THSD7B: variants seen among roughly 807,000 people sequenced by gnomAD.
The protein encoded by THSD7B is thrombospondin type 1 domain containing 7B.
THSD7B carries 138 observed loss-of-function variants against 213.6 expected under a neutral mutation model. That is an observed-to-expected ratio of 0.65 (90% CI 0.56 to 0.74). The LOEUF is 0.74. THSD7B is among the 30% of genes least tolerant of loss of function. THSD7B has a pLI of 0.00. For missense variants in THSD7B, 1,931 were observed against 1,991.5 expected (o/e 0.97, Z 0.58); for synonymous variants, 742 against 687.0 (o/e 1.08, Z -1.25).
At chr2:136,858,337 A>G (rs907845908) in intron 1 of THSD7B, among the ~76,000 whole-genome samples, 1 of 152,168 alleles carries the variant, frequency 6.6e-6, no homozygotes, top group African/African-American at 2.4e-5. Flanking sequence ...CTATAGTTCT[A>G]TCCAATGTGG....
At chr2:137,114,129 C>G (rs1029604458) in intron 4 of THSD7B, among the ~76,000 whole-genome samples, 2 of 152,094 alleles carry the variant, frequency 1.3e-5, no homozygotes, top group African/African-American at 2.4e-5. Flanking sequence ...ACTTTTATGG[C>G]TGGTTTTTCC....
At chr2:137,075,294 C>CT (rs768784059) in intron 3 of THSD7B, among the ~76,000 whole-genome samples, 29 of 152,100 alleles carry the variant, frequency 1.9e-4, no homozygotes, top group Non-Finnish European at 4.0e-4. Flanking sequence ...TCTTTTTATT[C>CT]TTTTTTCTCT....
chr2:137,278,658 G>T (rs1172241313), intron 12 of THSD7B, among the ~76,000 whole-genome samples: 1 of 152,052 alleles, frequency 6.6e-6, no homozygotes, highest in Non-Finnish European at 1.5e-5. Flanking sequence ...CTGTTCACAG[G>T]CCTCGAGCTG....
At chr2:137,467,148 G>T (rs181798933) in intron 15 of THSD7B, among the ~76,000 whole-genome samples, 14 of 152,154 alleles carry the variant, frequency 9.2e-5, no homozygotes, top group African/African-American at 3.4e-4. Flanking sequence ...CAGACAAGTG[G>T]TTTCCAACCT....
intron 7 of THSD7B, among the ~76,000 whole-genome samples, chr2:137,181,583 G>T (rs773762564): frequency 7.2e-5 from 11 of 152,150 alleles, no homozygotes; most frequent in Non-Finnish European, 1.2e-4. Context: ...TATTTACAGA[G>T]GCTGGGACCA....
intron 1 of THSD7B, among the ~76,000 whole-genome samples, chr2:136,782,189 C>T (rs1410802935): frequency 6.6e-6 from 1 of 152,110 alleles, no homozygotes; most frequent in African/African-American, 2.4e-5. Flanking sequence ...TGAGTTGCGA[C>T]GTGGTAGAAA....
chr2:136,985,899 C>G (rs531509294), intron 2 of THSD7B, among the ~76,000 whole-genome samples: 1 of 152,240 alleles, frequency 6.6e-6, no homozygotes, highest in African/African-American at 2.4e-5. Context: ...CTTGCATCAG[C>G]GTGCCCTGGA....
At chr2:137,356,865 AG>A (rs1206026117) in intron 12 of THSD7B, among the ~76,000 whole-genome samples, 4 of 151,814 alleles carry the variant, frequency 2.6e-5, no homozygotes, top group African/African-American at 9.7e-5. Context: ...TGTATGTAGC[AG>A]TGGATCAGTA....
intron 3 of THSD7B, among the ~76,000 whole-genome samples, chr2:137,070,354 C>G (rs1434431487): frequency 6.6e-6 from 1 of 151,780 alleles, no homozygotes; most frequent in Non-Finnish European, 1.5e-5. Flanking sequence ...CAAATTCCTA[C>G]ACTTGGACAT....
At chr2:137,041,828 G>A (rs1335240171) in intron 2 of THSD7B, among the ~76,000 whole-genome samples, 1 of 152,138 alleles carries the variant, frequency 6.6e-6, no homozygotes, top group Non-Finnish European at 1.5e-5. Context: ...ATTCGCTAAT[G>A]TGTGGCCAAT....
In THSD7B at chr2:137,256,671, G is replaced by A. The variant is rs115805990; in HGVS notation, c.2266+14099G>A. ...TGGAATTTAAATTTTAACCATGAGT[G>A]TGATAAAATCACATTTATGTTTTAG... On this transcript the variant is annotated intron_variant, in intron 10 of 27. Coordinates refer to ENST00000409968, the MANE Select transcript of THSD7B (RefSeq NM_001316349.2). 5.9e-3 allele frequency among the ~76,000 whole-genome samples: 905 copies of A among 152,230 alleles called. 9 individuals are homozygous for A. Among genetic ancestry groups the A allele is most frequent in the African/African-American group, 0.02 (822 of 41,534 alleles).
At chr2:137,341,074 C>T (rs1290088076) in intron 12 of THSD7B, among the ~76,000 whole-genome samples, 10 of 147,984 alleles carry the variant, frequency 6.8e-5, no homozygotes, top group African/African-American at 2.0e-4. Flanking sequence ...TCCCTTTTCT[C>T]GAGGTTCCCT....
At chr2:137,232,417 G>T (rs1482483400) in intron 8 of THSD7B, among the ~76,000 whole-genome samples, 2 of 152,100 alleles carry the variant, frequency 1.3e-5, no homozygotes, top group Non-Finnish European at 2.9e-5. Context: ...CTTGATAGAG[G>T]ATAGGTGTCT....
intron 1 of THSD7B, among the ~76,000 whole-genome samples, chr2:136,830,119 T>TGC (rs200798745): frequency 5.2e-4 from 78 of 151,376 alleles, no homozygotes; most frequent in Admixed American, 1.4e-3. Context: ...TGTATGCCTG[T>TGC]GCGCGCACAC....
At chr2:136,926,265 A>T (rs1469418813) in intron 2 of THSD7B, among the ~76,000 whole-genome samples, 3 of 151,938 alleles carry the variant, frequency 2.0e-5, no homozygotes, top group African/African-American at 7.3e-5. Context: ...TGATTAACTG[A>T]AGTAGTTCTA....
chr2:137,438,096 C>G, intron 14 of THSD7B, among the ~76,000 whole-genome samples: 1 of 152,090 alleles, frequency 6.6e-6, no homozygotes, highest in Admixed American at 6.5e-5. Flanking sequence ...CCTCTTGTTC[C>G]AGACCATCTG....
intron 12 of THSD7B, among the ~76,000 whole-genome samples, chr2:137,308,795 CTATATG>C (rs1224027013): frequency 6.6e-6 from 1 of 152,106 alleles, no homozygotes; most frequent in Non-Finnish European, 1.5e-5. Context: ...AAACATTTAT[CTATATG>C]TATATGTACT....
chr2:137,554,252 A>C (rs771980540), intron 15 of THSD7B, among the ~76,000 whole-genome samples: 1 of 152,162 alleles, frequency 6.6e-6, no homozygotes, highest in Non-Finnish European at 1.5e-5. Context: ...TGTCCCTTCA[A>C]TAATTGTTTC....
intron 3 of THSD7B, among the ~76,000 whole-genome samples, chr2:137,077,501 T>C (rs892285537): frequency 6.6e-6 from 1 of 152,132 alleles, no homozygotes; most frequent in Non-Finnish European, 1.5e-5. Flanking sequence ...TTTCCTGACT[T>C]TTTAATGATC....
Sources: allele counts gnomAD v4.1 joint callset (sites outside exome capture counted in the v4.1 genomes callset), GRCh38; gene constraint gnomAD v4.1.1; transcripts MANE v1.5; gene names NCBI Gene and HGNC (gene_info 2026-07-23, HGNC 2026-07-21).